The following N4BP3 variants were observed in gnomAD, a reference collection of about 807,000 sequenced individuals.
The protein encoded by N4BP3 is NEDD4-binding protein 3.
A neutral mutation model predicts 43.8 loss-of-function variants in N4BP3; 33 were observed. The observed-to-expected ratio is 0.75, with a 90% CI of 0.57 to 1.01. N4BP3 has a LOEUF of 1.01. Among genes scored for constraint, N4BP3 ranks in the 50% least tolerant of loss-of-function variants. N4BP3 has a pLI of 0.00. For missense variants in N4BP3, 756 were observed against 744.2 expected, an observed-to-expected ratio of 1.02 and a Z score of -0.18; for synonymous variants, 326 against 321.9, an observed-to-expected ratio of 1.01 and a Z score of -0.14.
intron 1 of N4BP3, among the ~76,000 whole-genome samples, chr5:178,114,145 C>G (rs1051822197): frequency 1.3e-5 from 2 of 152,202 alleles, no homozygotes; most frequent in African/African-American, 2.4e-5. Flanking sequence ...CTCCGCCCCC[C>G]GGCCCAGCCG....
chr5:178,122,148 G>A lies in N4BP3; in HGVS notation c.*147G>A, dbSNP rs1312577131. 3.8e-6 allele frequency: 4 copies of A among 1,058,096 alleles called. No homozygotes were observed. The highest frequency in any genetic ancestry group is 6.2e-5 in the Admixed American group (2 of 32,458). The allele number at this position is 1,058,096 out of a possible 1,614,324, so 65.5% of individuals were successfully genotyped here. ...GCAAGGAGAGGAGGGATCCAGTGGG[G>A]CCGTGGGCTGGGTAGGGTGCCTTGG... is the stretch of plus-strand genomic sequence containing the variant. On this transcript the variant is annotated 3_prime_UTR_variant, in exon 5 of 5. Transcript: ENST00000274605.
chr5:178,117,219 T>C (rs1450484804), intron 1 of N4BP3, among the ~76,000 whole-genome samples: 1 of 152,220 alleles, frequency 6.6e-6, no homozygotes, highest in Non-Finnish European at 1.5e-5. Flanking sequence ...AGGTCTCTGC[T>C]GTCCCCTCCC....
intron 1 of N4BP3, among the ~76,000 whole-genome samples, chr5:178,114,832 G>T (rs898786027): frequency 6.6e-6 from 1 of 152,250 alleles, no homozygotes; most frequent in African/African-American, 2.4e-5. Flanking sequence ...GGGGGCAGCA[G>T]GAGGGATTCC....
rs1020797273 is a variant in N4BP3, at chr5:178,120,651, G to T, written c.804G>T (p.Glu268Asp). ...CCGTGCTGCCCGAGACCTGTGAGGAGCTCAAGAGGGGCCTTGGCGATGAGG... is the reference window on the plus strand; with the variant it reads ...CCGTGCTGCCCGAGACCTGTGAGGATCTCAAGAGGGGCCTTGGCGATGAGG... Reference protein sequence around the residue: ...MGAVLPETCEELKRGLGDEDG... With the variant: ...MGAVLPETCEDLKRGLGDEDG... Residue 268 changes from glutamate (E) to aspartate (D), a missense_variant, in exon 3 of 5, where the codon GAG becomes GAT. By Grantham distance (45) the Glu-to-Asp change is conservative. Coordinates refer to ENST00000274605, the MANE Select transcript of N4BP3 (RefSeq NM_015111.2). 1.9e-6 allele frequency: 3 copies of T among 1,605,020 alleles called. No homozygotes were observed.
chr5:178,121,605 G>T lies in N4BP3; in HGVS notation c.1239G>T (p.Gln413His). ...TTCGGGGCAGCCGGGCACAAGCCCA[G>T]GCTCAGGACGCAGAGCTGGTCCGGC... ...TQLRGSRAQA[Q>H]AQDAELVRLR... Residue 413 changes from glutamine to histidine, a missense_variant, in exon 5 of 5, where the codon CAG (glutamine) becomes CAT (histidine). By Grantham distance (24) the Gln-to-His change is conservative. Transcript: ENST00000274605. 6.2e-7 allele frequency: 1 copy of T among 1,613,278 alleles called. No individual in the cohort carries two copies. The highest frequency in any genetic ancestry group is 1.1e-5 in the South Asian group (1 of 91,082).
intron 1 of N4BP3, among the ~76,000 whole-genome samples, chr5:178,115,032 T>G (rs1215606435): frequency 1.3e-5 from 2 of 152,188 alleles, no homozygotes; most frequent in Non-Finnish European, 2.9e-5. Flanking sequence ...TTGAGATTGC[T>G]TCTCACTGTG....
At position 178,121,814 on chromosome 5, in the gene N4BP3, C is replaced by CGCTGCGCTTTGAGCAGGA; in HGVS notation, c.1451_1468dup (p.Leu484_Glu489dup). 1 of 1,608,746 alleles carries CGCTGCGCTTTGAGCAGGA rather than the reference C, an allele frequency of 6.2e-7. No homozygotes were observed. The highest frequency in any genetic ancestry group is 8.5e-7 in the Non-Finnish European group (1 of 1,179,048). ...GAGCGACTTCGGGGCCAGGAGCAGG[C>CGCTGCGCTTTGAGCAGGA]GCTGCGCTTTGAGCAGGAGCGGCGG... On this transcript the variant is annotated inframe_insertion, in exon 5 of 5. Transcript: ENST00000274605.
chr5:178,114,922 T>A (rs1349914037), intron 1 of N4BP3, among the ~76,000 whole-genome samples: 1 of 152,170 alleles, frequency 6.6e-6, no homozygotes, highest in Non-Finnish European at 1.5e-5. Flanking sequence ...TGGGCAGACA[T>A]ATATGCAATA....
rs552018216 is a variant in N4BP3, at chr5:178,119,644, C to G, written c.61C>G (p.Arg21Gly). ...AMGSVGSLLE[R>G]QDFSPEELRA... ...GGGCAGCGTGGGCAGCCTGTTGGAACGGCAGGACTTCTCCCCTGAAGAGCT... is the reference window on the plus strand; with the variant it reads ...GGGCAGCGTGGGCAGCCTGTTGGAAGGGCAGGACTTCTCCCCTGAAGAGCT... The change falls in exon 2 of 5, where the codon CGG (arginine) becomes GGG (glycine). Residue 21 changes from arginine to glycine, a missense_variant. By Grantham distance (125) the Arg-to-Gly change is moderately radical. Transcript: ENST00000274605. 1.3e-6 allele frequency: 2 copies of G among 1,591,362 alleles called. No individual in the cohort carries two copies. The highest frequency in any genetic ancestry group is 1.7e-5 in the Admixed American group (1 of 57,674).
Position 178,122,289 on chromosome 5 carries a change from C to T in N4BP3, c.*288C>T. The stretch of plus-strand genomic sequence containing the variant: ...CTGGGGGATCACCAGCCCCAAGGTC[C>T]CGAAGGGCAGGTCAGAGGGAGAGAG... On this transcript the variant is annotated 3_prime_UTR_variant, in exon 5 of 5. Transcript: ENST00000274605. The T allele has an allele frequency of 2.6e-6, 1 of 382,680 alleles. No homozygotes were observed. The highest frequency in any genetic ancestry group is 4.7e-6 in the Non-Finnish European group (1 of 212,050). 23.7% of individuals were successfully genotyped at this position (382,680 alleles called of 1,614,324 possible).
chr5:178,120,329 G>C lies in N4BP3; in HGVS notation c.482G>C (p.Gly161Ala), dbSNP rs1401106497. ...GCCTGCCACCCGCCCCTGAGCCCCG[G>C]GCCCCGGGCCAGCCAGGCCCGGGCA... ...TLACHPPLSP[G>A]PRASQARAQL... The change falls in exon 3 of 5, where the codon GGG (glycine) becomes GCG (alanine). Residue 161 changes from glycine (G) to alanine (A), a missense_variant. By Grantham distance (60) the Gly-to-Ala change is moderately conservative. Transcript: ENST00000274605. 1.9e-6 allele frequency: 3 copies of C among 1,607,538 alleles called. No homozygotes were observed. The highest frequency in any genetic ancestry group is 2.6e-6 in the Non-Finnish European group (3 of 1,176,438).
Position 178,118,974 on chromosome 5 carries a change from T to A in N4BP3, c.-30-580T>A, listed in dbSNP as rs1581090493. ...TCTGCCTCCCAGGTTCATGCCATTC[T>A]CCAGCCTCAGCCTCCCGAGTAGCTG... On this transcript the variant is annotated intron_variant, in intron 1 of 4. Transcript: ENST00000274605. The surrounding 1 kb of genome is among the most constrained non-coding windows in gnomAD (Gnocchi z 5.4). Among the ~76,000 whole-genome samples the A allele has an allele frequency of 1.3e-5, 2 of 151,902 alleles. No homozygotes were observed. Among genetic ancestry groups the A allele is most frequent in the East Asian group, 3.9e-4 (2 of 5,146 alleles).
chr5:178,120,393 T>TGAGCCC lies in N4BP3; in HGVS notation c.553_558dup (p.Glu185_Pro186dup). 2 of 1,612,782 alleles carry TGAGCCC rather than the reference T, an allele frequency of 1.2e-6. No individual in the cohort carries two copies. The highest frequency in any genetic ancestry group is 1.7e-6 in the Non-Finnish European group (2 of 1,179,920). ...CCCTCAGCCTAGATGAGGGCGGCCCTGAGCCCGAGCCCAGCCTGTCCGACT... is the reference window on the plus strand; with the variant it reads ...CCCTCAGCCTAGATGAGGGCGGCCCTGAGCCCGAGCCCGAGCCCAGCCTGTCCGACT... On this transcript the variant is annotated inframe_insertion, in exon 3 of 5. Coordinates refer to ENST00000274605, the MANE Select transcript of N4BP3 (RefSeq NM_015111.2).
rs1170821984 is a variant in N4BP3, at chr5:178,125,879, C to T, written c.*3878C>T. 2 of 140,238 alleles carry T rather than the reference C, an allele frequency of 1.4e-5. No homozygotes were observed. The highest frequency in any genetic ancestry group is 1.5e-5 in the Non-Finnish European group (1 of 64,742). 8.7% of individuals were successfully genotyped at this position (140,238 alleles called of 1,614,324 possible). ...AACCACTGATCTGCTTTCACAATAA[C>T]CGTATGGGGTTTTTTCTCTTTCCTT... On this transcript the variant is annotated 3_prime_UTR_variant, in exon 5 of 5. Transcript: ENST00000274605.
In N4BP3 at chr5:178,120,492, T is replaced by G. The variant is rs373000303; in HGVS notation, c.645T>G (p.Leu215=). 1 of 1,612,928 alleles carries G rather than the reference T, an allele frequency of 6.2e-7. No homozygotes were observed. Among genetic ancestry groups the G allele is most frequent in the Non-Finnish European group, 8.5e-7 (1 of 1,179,998 alleles). The change falls in exon 3 of 5, where the codon CTT becomes CTG. Residue 215 remains leucine, a synonymous_variant. Transcript: ENST00000274605. ...PSPFSSSLGH[L]NHLGGSLDRA... ...CCTTCAGCTCCTCCCTTGGCCACCT[T>G]AACCACCTCGGGGGCTCCCTGGACC...
Position 178,120,706 on chromosome 5 carries a change from G to A in N4BP3, c.852+7G>A, listed in dbSNP as rs1379454160. 6.4e-7 allele frequency: 1 copy of A among 1,573,676 alleles called. No homozygotes were observed. The highest frequency in any genetic ancestry group is 1.1e-5 in the South Asian group (1 of 87,690). On this transcript the variant is annotated splice_region_variant and intron_variant, in intron 3 of 4. Coordinates refer to ENST00000274605, the MANE Select transcript of N4BP3 (RefSeq NM_015111.2). ...CTCCAACCCCTTCACGCAGGTGAGG[G>A]AGCCCCTGCCCTGGAGTCCTGTTCT...
chr5:178,119,776 G>A lies in N4BP3; in HGVS notation c.193G>A (p.Asp65Asn). The change falls in exon 2 of 5, where the codon GAC becomes AAC. Residue 65 changes from aspartate (D) to asparagine (N), a missense_variant. Coordinates refer to ENST00000274605, the MANE Select transcript of N4BP3 (RefSeq NM_015111.2). Reference sequence around the variant, plus strand: ...CAGCTACCTGCACCTCCCCAAGAAGGACAGCAAGAGCACCAAGAACACCAA... The same window carrying A: ...CAGCTACCTGCACCTCCCCAAGAAGAACAGCAAGAGCACCAAGAACACCAA... ...FLSYLHLPKKDSKSTKNTKRA... is the reference protein window; with the variant it reads ...FLSYLHLPKKNSKSTKNTKRA... The A allele has an allele frequency of 6.2e-6, 10 of 1,613,642 alleles. No homozygotes were observed. The highest frequency in any genetic ancestry group is 8.5e-6 in the Non-Finnish European group (10 of 1,180,016).
In N4BP3 at chr5:178,117,482, G is replaced by A. The variant is rs148819292; in HGVS notation, c.-30-2072G>A. 3.4e-3 allele frequency among the ~76,000 whole-genome samples: 510 copies of A among 152,068 alleles called. 2 individuals are homozygous for A. The highest frequency in any genetic ancestry group is 0.012 in the African/African-American group (484 of 41,460). ...GGTCAATAGCTGGGCACAGTGTCAC[G>A]CACCTGTGTTTTTAGCTACTCAGGA... On this transcript the variant is annotated intron_variant, in intron 1 of 4. Transcript: ENST00000274605.
intron 1 of N4BP3, among the ~76,000 whole-genome samples, chr5:178,115,748 C>T (rs1008625446): frequency 6.6e-6 from 1 of 152,200 alleles, no homozygotes; most frequent in Non-Finnish European, 1.5e-5. Flanking sequence ...GGCTCTGGGA[C>T]GCCCCCCTCA....
Sources: gnomAD v4.1 joint callset for allele counts (sites outside exome capture counted in the v4.1 genomes callset) on GRCh38, gnomAD v4.1.1 for gene constraint, Gnocchi (gnomAD v3.1) non-coding constraint, MANE v1.5 for transcripts, NCBI Gene and HGNC (gene_info 2026-07-23, HGNC 2026-07-21) for gene names.